The following LACTB2 variants were observed in gnomAD, a reference collection of about 807,000 sequenced individuals.
The protein encoded by LACTB2 is endoribonuclease LACTB2.
LACTB2 carries 32 observed loss-of-function variants against 34.8 expected under a neutral mutation model. The observed-to-expected ratio is 0.92, with a 90% CI of 0.69 to 1.24. The LOEUF (loss-of-function observed/expected upper bound fraction) is 1.24. LACTB2 is among the 50% of genes most tolerant of loss of function. The pLI is 0.00. For missense variants in LACTB2, 320 were observed against 345.0 expected, an observed-to-expected ratio of 0.93 and a Z score of 0.57; for synonymous variants, 120 against 117.5, an observed-to-expected ratio of 1.02 and a Z score of -0.14.
intron 3 of LACTB2, among the ~76,000 whole-genome samples, chr8:70,652,956 C>T (rs1818362512): frequency 6.6e-6 from 1 of 152,178 alleles, no homozygotes; most frequent in African/African-American, 2.4e-5. Context: ...ATTCAATAAA[C>T]CATCTCTACC....
intron 3 of LACTB2, chr8:70,651,918 T>C (rs1302637205): frequency 2.0e-5 from 3 of 152,226 alleles, no homozygotes. Context: ...CTAGTTCTGT[T>C]ACTTCTGTGA....
intron 3 of LACTB2, among the ~76,000 whole-genome samples, chr8:70,654,362 G>A (rs1043641009): frequency 6.6e-6 from 1 of 151,890 alleles, no homozygotes; most frequent in South Asian, 2.1e-4. Flanking sequence ...AAAGTGGCCT[G>A]GGGTCAGACT....
At chr8:70,647,501 C>T (rs1818279064) in intron 3 of LACTB2, among the ~76,000 whole-genome samples, 1 of 152,176 alleles carries the variant, frequency 6.6e-6, no homozygotes, top group Non-Finnish European at 1.5e-5. Flanking sequence ...GATCTGCCTG[C>T]CCTGGCCTCA....
chr8:70,669,012 CCA>C lies in LACTB2; in HGVS notation c.107_108del (p.Val36GlyfsTer10). On this transcript the variant is annotated frameshift_variant, in exon 1 of 7. Coordinates refer to ENST00000276590, the MANE Select transcript of LACTB2 (RefSeq NM_016027.3). LOFTEE classifies it high-confidence loss of function. ...AGGGACGTTTACCTGGGGCCGGTCCCCACTAGGTAGGTGTTGGTGCCTTGGAG... is the reference window on the plus strand; with the variant it reads ...AGGGACGTTTACCTGGGGCCGGTCCCCTAGGTAGGTGTTGGTGCCTTGGAG... ...MTLQGTNTYL[V>X]GTGPRRILID... The C allele has an allele frequency of 1.3e-6, 2 of 1,594,648 alleles. No individual in the cohort carries two copies. Among genetic ancestry groups the C allele is most frequent in the Non-Finnish European group, 1.7e-6 (2 of 1,171,224 alleles).
chr8:70,643,432 A>G (rs1818225224), intron 4 of LACTB2, among the ~76,000 whole-genome samples: 1 of 151,884 alleles, frequency 6.6e-6, no homozygotes, highest in Non-Finnish European at 1.5e-5. Flanking sequence ...CATGTTGGCC[A>G]GGCTGATCTC....
intron 3 of LACTB2, among the ~76,000 whole-genome samples, chr8:70,657,030 AGAG>A: frequency 1.3e-5 from 2 of 152,168 alleles, no homozygotes; most frequent in South Asian, 2.1e-4. Flanking sequence ...TGTGGGGGAG[AGAG>A]GAGTTCAGTT....
chr8:70,669,072 G>C lies in LACTB2; in HGVS notation c.49C>G (p.Arg17Gly). 6.2e-7 allele frequency: 1 copy of C among 1,612,800 alleles called. No homozygotes were observed. Among genetic ancestry groups the C allele is most frequent in the Non-Finnish European group, 8.5e-7 (1 of 1,179,600 alleles). ...RVERLSNRVVRVLGCNPGPMT... is the reference protein window; with the variant it reads ...RVERLSNRVVGVLGCNPGPMT... ...GGACCCGGGTTACAGCCCAACACACGCACGACTCGATTGGACAGCCGCTCG... is the reference window on the plus strand; with the variant it reads ...GGACCCGGGTTACAGCCCAACACACCCACGACTCGATTGGACAGCCGCTCG... The change falls in exon 1 of 7, where the codon CGT becomes GGT. Residue 17 changes from arginine to glycine, a missense_variant. Transcript: ENST00000276590.
At chr8:70,658,150 T>C (rs1818435585) in intron 2 of LACTB2, among the ~76,000 whole-genome samples, 1 of 152,164 alleles carries the variant, frequency 6.6e-6, no homozygotes, top group South Asian at 2.1e-4. Context: ...ATACAAAAAA[T>C]TTAAAAGTAG....
intron 3 of LACTB2, among the ~76,000 whole-genome samples, chr8:70,650,735 C>CAAAAAA (rs61025700): frequency 5.4e-4 from 25 of 46,200 alleles, no homozygotes; most frequent in Middle Eastern, 0.038. Context: ...GACTCCATCT[C>CAAAAAA]AAAAAAAAAA....
intron 3 of LACTB2, among the ~76,000 whole-genome samples, chr8:70,655,180 A>G (rs889945162): frequency 6.6e-6 from 1 of 151,308 alleles, no homozygotes; most frequent in Admixed American, 6.6e-5. Context: ...ATAGTCTCCA[A>G]TCTCAACCAG....
intron 1 of LACTB2, 105 bp downstream of exon 1, chr8:70,668,894 G>A (rs535374432): frequency 6.8e-6 from 10 of 1,477,442 alleles, no homozygotes; most frequent in Non-Finnish European, 9.1e-6. Context: ...TGCCCAGCTA[G>A]GGACAGGACG....
chr8:70,657,799 G>A lies in LACTB2; in HGVS notation c.370C>T (p.Leu124=), dbSNP rs1383626060. The A allele has an allele frequency of 6.2e-7, 1 of 1,612,926 alleles. No homozygotes were observed. Among genetic ancestry groups the A allele is most frequent in the South Asian group, 1.1e-5 (1 of 91,010 alleles). ...IGNGEQQYVY[L]KDGDVIKTEG... Reference sequence around the variant, plus strand: ...GTCTTAATCACATCTCCATCTTTCAGATAAACATATTGTTGCTCTCCATTT... The same window carrying A: ...GTCTTAATCACATCTCCATCTTTCAAATAAACATATTGTTGCTCTCCATTT... Residue 124 remains leucine (L), a synonymous_variant, in exon 3 of 7, where the codon CTG becomes TTG. Transcript: ENST00000276590.
chr8:70,641,034 A>G lies in LACTB2; in HGVS notation c.609T>C (p.Ile203=), dbSNP rs758986766. The G allele has an allele frequency of 1.9e-6, 3 of 1,602,906 alleles. No homozygotes were observed. Among genetic ancestry groups the G allele is most frequent in the Non-Finnish European group, 2.5e-6 (3 of 1,176,828 alleles). Residue 203 remains isoleucine (I), a synonymous_variant, in exon 5 of 7, where the codon ATT becomes ATC. Transcript: ENST00000276590. ...DIIYPGHGPV[I]HNAEAKIQQY... The stretch of plus-strand genomic sequence containing the variant: ...GTTGAATTTTAGCTTCAGCATTATG[A>G]ATTACTGGGCCATGTCCTGAATTAA...
intron 1 of LACTB2, among the ~76,000 whole-genome samples, chr8:70,666,256 A>G (rs1818532029): frequency 6.6e-6 from 1 of 152,204 alleles, no homozygotes; most frequent in Admixed American, 6.5e-5. Context: ...GAAAGACACT[A>G]AGCTTCTTGC....
chr8:70,654,369 G>A (rs1818382509), intron 3 of LACTB2, among the ~76,000 whole-genome samples: 1 of 151,934 alleles, frequency 6.6e-6, no homozygotes, highest in African/African-American at 2.4e-5. Context: ...CCTGGGGTCA[G>A]ACTGTGGTAT....
intron 3 of LACTB2, among the ~76,000 whole-genome samples, chr8:70,645,822 A>G (rs1818257404): frequency 6.6e-6 from 1 of 151,704 alleles, no homozygotes; most frequent in South Asian, 2.1e-4. Context: ...AAGGACATGA[A>G]CTCATCATTT....
rs748706871 is a variant in LACTB2 at position 70,640,995 on chromosome 8, G to A, written c.648C>T (p.His216=). The change falls in exon 5 of 7, where the codon CAC becomes CAT. Residue 216 remains histidine, a synonymous_variant. Coordinates refer to ENST00000276590, the MANE Select transcript of LACTB2 (RefSeq NM_016027.3). The part of the protein sequence containing the change: ...AEAKIQQYIS[H]RNIREQQILT... ...GAATTTGCTGCTCTCGAATATTTCT[G>A]TGAGAAATGTATTGTTGAATTTTAG... 9.3e-6 allele frequency: 15 copies of A among 1,607,588 alleles called. No homozygotes were observed. Among genetic ancestry groups the A allele is most frequent in the Non-Finnish European group, 1.2e-5 (14 of 1,178,054 alleles).
At chr8:70,656,642 T>C (rs930448062) in intron 3 of LACTB2, among the ~76,000 whole-genome samples, 4 of 152,336 alleles carry the variant, frequency 2.6e-5, no homozygotes, top group Middle Eastern at 3.4e-3. Flanking sequence ...TCTTTTTGCT[T>C]AGTCTTGCTT....
intron 3 of LACTB2, among the ~76,000 whole-genome samples, chr8:70,648,187 C>T (rs919956533): frequency 2.0e-5 from 3 of 152,158 alleles, no homozygotes; most frequent in Non-Finnish European, 4.4e-5. Context: ...GAAGACTCCC[C>T]CCCACATTCT....
Sources: allele counts gnomAD v4.1 joint callset (sites outside exome capture counted in the v4.1 genomes callset), GRCh38; gene constraint gnomAD v4.1.1; transcripts MANE v1.5; gene names NCBI Gene and HGNC (gene_info 2026-07-23, HGNC 2026-07-21).